The following TATDN2 variants were observed in gnomAD, a reference collection of about 807,000 sequenced individuals.
The protein encoded by TATDN2 is 3'-5' RNA nuclease TATDN2.
Under a neutral mutation model 60.3 loss-of-function variants are expected in TATDN2, and 44 were observed. The observed-to-expected ratio is 0.73, with a 90% CI of 0.57 to 0.94. The LOEUF is 0.94. Among genes scored for constraint, TATDN2 ranks in the 40% least tolerant of loss-of-function variants. TATDN2 has a pLI of 0.00. For synonymous variants in TATDN2, 399 were observed against 355.8 expected (o/e 1.12, Z -1.37); for missense variants, 997 against 948.0 (o/e 1.05, Z -0.68).
intron 3 of TATDN2, among the ~76,000 whole-genome samples, chr3:10,266,952 A>G (rs1445151737): frequency 1.2e-5 from 1 of 82,066 alleles, no homozygotes; most frequent in Non-Finnish European, 2.8e-5. Flanking sequence ...TTTTTTTGAG[A>G]CAGAGTCTTG....
At chr3:10,275,534 G>A (rs1698622771) in intron 4 of TATDN2, among the ~76,000 whole-genome samples, 1 of 152,040 alleles carries the variant, frequency 6.6e-6, no homozygotes, top group Non-Finnish European at 1.5e-5. Context: ...GATCAGTTGA[G>A]GTTAGTTTGA....
chr3:10,272,440 A>AG (rs1226601794), intron 4 of TATDN2, among the ~76,000 whole-genome samples: 1 of 143,074 alleles, frequency 7.0e-6, no homozygotes, highest in African/African-American at 2.6e-5. Flanking sequence ...CACCCGGCTA[A>AG]TTTTTTTTTT....
rs1262661865 is a variant in TATDN2 at position 10,270,184 on chromosome 3, T to C, written c.1002T>C (p.Ser334=). Residue 334 remains serine, a synonymous_variant, in exon 4 of 8, where the codon TCT becomes TCC. Transcript: ENST00000448281. ...ACCCCTCTTCTGGAAGTGACTGGTC[T>C]GATGTTGAGGAGATCTCCACAGTCA... ...MEHPSSGSDW[S]DVEEISTVRF... 2 of 1,612,340 alleles carry C rather than the reference T, an allele frequency of 1.2e-6. No individual in the cohort carries two copies. Among genetic ancestry groups the C allele is most frequent in the Non-Finnish European group, 1.7e-6 (2 of 1,179,410 alleles).
rs752261814 is a variant in TATDN2 at position 10,270,515 on chromosome 3, T to A, written c.1333T>A (p.Ser445Thr). 6.2e-7 allele frequency: 1 copy of A among 1,614,170 alleles called. No homozygotes were observed. The highest frequency in any genetic ancestry group is 8.5e-7 in the Non-Finnish European group (1 of 1,180,034). Reference sequence around the variant, plus strand: ...CTCAGAGGAAGGCTGGTCCCAGAATTCTCGTTCATTTCGCTTCTCCAGAAG... The same window carrying A: ...CTCAGAGGAAGGCTGGTCCCAGAATACTCGTTCATTTCGCTTCTCCAGAAG... ...EASEEGWSQN[S>T]RSFRFSRSSE... is the part of the protein sequence containing the mutation. Residue 445 changes from serine to threonine, a missense_variant, in exon 4 of 8, where the codon TCT (serine) becomes ACT (threonine). Coordinates refer to ENST00000448281, the MANE Select transcript of TATDN2 (RefSeq NM_014760.4).
chr3:10,278,797 C>T lies in TATDN2; in HGVS notation c.2146-88C>T, dbSNP rs1425514575. 1 of 1,598,740 alleles carries T rather than the reference C, an allele frequency of 6.3e-7. No homozygotes were observed. The highest frequency in any genetic ancestry group is 1.3e-5 in the African/African-American group (1 of 74,742). On this transcript the variant is annotated intron_variant, in intron 6 of 7. Transcript: ENST00000448281. This position sits in a 1 kb window ranked among gnomAD's most constrained non-coding sequence, Gnocchi z 4.7. The stretch of plus-strand genomic sequence containing the variant: ...TCTACAGGGCAGCCCCAAAGAGGTC[C>T]TTGCTGGGGAAGGGACAGGGAGGGA...
intron 5 of TATDN2, 66 bp downstream of exon 5, chr3:10,276,554 AGCAATGATC>A (rs1698640603): frequency 1.9e-6 from 3 of 1,592,234 alleles, no homozygotes; most frequent in Non-Finnish European, 1.7e-6. Flanking sequence ...TGATGAGGAC[AGCAATGATC>A]GTATTCTGTC....
intron 3 of TATDN2, among the ~76,000 whole-genome samples, chr3:10,267,189 G>A (rs1419490419): frequency 6.6e-6 from 1 of 151,844 alleles, no homozygotes; most frequent in African/African-American, 2.4e-5. Context: ...CCAAAGTGCT[G>A]GGATTACAGG....
chr3:10,257,185 C>T (rs1045161660), intron 2 of TATDN2, among the ~76,000 whole-genome samples: 1 of 150,170 alleles, frequency 6.7e-6, no homozygotes, highest in African/African-American at 2.5e-5. Context: ...GGGAGGGAGG[C>T]TAAAGCACAA....
At chr3:10,279,174 G>C (rs1698687280) in intron 7 of TATDN2, 47 bp from the exon 8 acceptor site, 3 of 1,146,932 alleles carry the variant, frequency 2.6e-6, no homozygotes, top group South Asian at 1.6e-5. Flanking sequence ...GATTTGTTTT[G>C]AGTGACATGG....
At chr3:10,253,169 T>G (rs1698256617) in intron 2 of TATDN2, among the ~76,000 whole-genome samples, 1 of 151,580 alleles carries the variant, frequency 6.6e-6, no homozygotes, top group African/African-American at 2.4e-5. Flanking sequence ...CCTGGCTAAT[T>G]TTTTGTGTTT....
intron 3 of TATDN2, among the ~76,000 whole-genome samples, chr3:10,269,359 C>T (rs1464743921): frequency 6.6e-6 from 1 of 152,218 alleles, no homozygotes; most frequent in Non-Finnish European, 1.5e-5. Context: ...GGGGAGGGGT[C>T]ATAGACCCCA....
At chr3:10,257,313 T>TATATATATATATATATATATATAA (rs1698322412) in intron 2 of TATDN2, among the ~76,000 whole-genome samples, 1 of 146,558 alleles carries the variant, frequency 6.8e-6, no homozygotes, top group African/African-American at 2.5e-5. Flanking sequence ...TATATATATA[T>TATATATATATATATATATATATAA]GAATTCCTTA....
rs776958572 is a variant in TATDN2 at position 10,278,233 on chromosome 3, T to C, written c.1962-46T>C. 4.3e-5 allele frequency: 68 copies of C among 1,587,500 alleles called. 3 individuals carry two copies. The South Asian group carries it at 6.1e-4, about 14-fold the overall frequency. On this transcript the variant is annotated intron_variant, in intron 5 of 7. Transcript: ENST00000448281. This position sits in a 1 kb window ranked among gnomAD's most constrained non-coding sequence, Gnocchi z 4.7. ...GGGTGTGGGGGGAGCTGGGGGCTGCTGCAGAGGGGACTGTGAGCAGCCCTG... is the reference window on the plus strand; with the variant it reads ...GGGTGTGGGGGGAGCTGGGGGCTGCCGCAGAGGGGACTGTGAGCAGCCCTG...
At chr3:10,272,995 G>A (rs1197642750) in intron 4 of TATDN2, among the ~76,000 whole-genome samples, 1 of 152,042 alleles carries the variant, frequency 6.6e-6, no homozygotes, top group Non-Finnish European at 1.5e-5. Flanking sequence ...CCATGATTAT[G>A]CTCCAGCCTG....
chr3:10,272,196 C>T (rs1201978775), intron 4 of TATDN2, among the ~76,000 whole-genome samples: 1 of 152,098 alleles, frequency 6.6e-6, no homozygotes, highest in Non-Finnish European at 1.5e-5. Context: ...CCTTGACCTC[C>T]TGGGCTCAAG....
chr3:10,267,102 G>T (rs1055246793), intron 3 of TATDN2, among the ~76,000 whole-genome samples: 1 of 151,836 alleles, frequency 6.6e-6, no homozygotes, highest in African/African-American at 2.4e-5. Context: ...TGTATCTTTA[G>T]TAGAGATGGG....
Position 10,278,471 on chromosome 3 carries a change from G to T in TATDN2, c.2145+9G>T, listed in dbSNP as rs369966617. The T allele has an allele frequency of 1.3e-5, 21 of 1,607,428 alleles. No individual in the cohort carries two copies. The African/African-American group carries it at 2.4e-4, about 18-fold the overall frequency. On this transcript the variant is annotated intron_variant, in intron 6 of 7. Transcript: ENST00000448281. The surrounding 1 kb of genome is among the most constrained non-coding windows in gnomAD (Gnocchi z 4.7). ...ATTTCCTCCCTCGCCAGGTAAGGGG[G>T]TCTTCAGGCTGAGTGGAGGCACCGG...
chr3:10,277,940 G>A (rs569552540), intron 5 of TATDN2, among the ~76,000 whole-genome samples: 3 of 152,066 alleles, frequency 2.0e-5, no homozygotes, highest in Non-Finnish European at 2.9e-5. Context: ...ATATGCTGTC[G>A]TTGTCATCAT....
At chr3:10,267,217 G>T (rs1372796002) in intron 3 of TATDN2, among the ~76,000 whole-genome samples, 2 of 151,402 alleles carry the variant, frequency 1.3e-5, no homozygotes, top group Non-Finnish European at 2.9e-5. Flanking sequence ...CCCCTTGCCC[G>T]GCTGAGACAG....
Sources: gnomAD v4.1 joint callset for allele counts (sites outside exome capture counted in the v4.1 genomes callset) on GRCh38, gnomAD v4.1.1 for gene constraint, Gnocchi (gnomAD v3.1) non-coding constraint, MANE v1.5 for transcripts, NCBI Gene and HGNC (gene_info 2026-07-23, HGNC 2026-07-21) for gene names.